Variants in MCF2L2 observed in about 807,000 individuals in gnomAD.
MCF2L2 encodes probable guanine nucleotide exchange factor MCF2L2.
Under a neutral mutation model 150.2 loss-of-function variants are expected in MCF2L2, and 102 were observed. The observed-to-expected ratio is 0.68, with a 90% CI of 0.58 to 0.80. The LOEUF is 0.80. MCF2L2 is among the 30% of genes least tolerant of loss of function. The pLI is 0.00. For missense variants in MCF2L2, 1,256 were observed against 1,372.8 expected, an observed-to-expected ratio of 0.91 and a Z score of 1.34; for synonymous variants, 465 against 491.3, an observed-to-expected ratio of 0.95 and a Z score of 0.71.
chr3:183,416,474 T>C (rs2108628062), intron 1 of MCF2L2, among the ~76,000 whole-genome samples: 1 of 152,270 alleles, frequency 6.6e-6, no homozygotes, highest in South Asian at 2.1e-4. Flanking sequence ...CAACAGTACA[T>C]TATATGCAGA....
chr3:183,371,183 A>G (rs1237312596), intron 3 of MCF2L2, among the ~76,000 whole-genome samples: 1 of 152,178 alleles, frequency 6.6e-6, no homozygotes, highest in Non-Finnish European at 1.5e-5. Context: ...GTGAACCCAA[A>G]AGTATCTGAG....
rs527475594 is a variant in MCF2L2, at chr3:183,369,575, C to G, written c.275+9722G>C. Among the ~76,000 whole-genome samples, 20 of 152,214 alleles carry G rather than the reference C, an allele frequency of 1.3e-4. No individual in the cohort carries two copies. In the East Asian group the frequency reaches 3.3e-3, roughly 25 times the overall value. ...ATATTCAGACTCTTCCTATAGCTTA[C>G]TGAAGTATATTTGGCCACCCTGCTC... is the stretch of plus-strand genomic sequence containing the variant. On this transcript the variant is annotated intron_variant, in intron 3 of 29. Transcript: ENST00000328913.
intron 5 of MCF2L2, among the ~76,000 whole-genome samples, chr3:183,324,088 A>C (rs965307873): frequency 1.4e-4 from 21 of 152,224 alleles, no homozygotes; most frequent in African/African-American, 4.3e-4. Flanking sequence ...AAATGTGAAA[A>C]TAAAACTAGA....
At chr3:183,355,310 C>A (rs1416863599) in intron 3 of MCF2L2, among the ~76,000 whole-genome samples, 2 of 152,078 alleles carry the variant, frequency 1.3e-5, no homozygotes, top group Non-Finnish European at 2.9e-5. Flanking sequence ...TCTAAGGATA[C>A]TGACCTTAGA....
chr3:183,323,141 G>A, intron 6 of MCF2L2, 94 bp downstream of exon 6: 4 of 841,688 alleles, frequency 4.8e-6, no homozygotes. Flanking sequence ...GGCAGTCACA[G>A]GGTGACCTCC....
In MCF2L2 at chr3:183,290,545, T is replaced by C. The variant is rs138779682; in HGVS notation, c.1676-1325A>G. Among the ~76,000 whole-genome samples the C allele has an allele frequency of 8.3e-3, 1,262 of 152,108 alleles. 17 individuals carry two copies. Among genetic ancestry groups the C allele is most frequent in the African/African-American group, 0.024 (993 of 41,472 alleles). On this transcript the variant is annotated intron_variant, in intron 13 of 29. Transcript: ENST00000328913. ...TGAGCATTTCTTTCTTTCTTTCTTT[T>C]TTTTTTTGAGACAGAGTCTCGCTCT...
rs912745076 is a variant in MCF2L2, at chr3:183,379,332, G to A, written c.240C>T (p.Phe80=). Residue 80 remains phenylalanine, a synonymous_variant, in exon 3 of 30, where the codon TTC becomes TTT. Transcript: ENST00000328913. ...TAGTCAGGTAGGTCATGACATTCAGGAAGTCTTCATCTGGGATGTGTTTGA... is the reference window on the plus strand; with the variant it reads ...TAGTCAGGTAGGTCATGACATTCAGAAAGTCTTCATCTGGGATGTGTTTGA... ...SGFKHIPDED[F]LNVMTYLTSI... is the part of the protein sequence containing the mutation. 1.3e-5 allele frequency: 21 copies of A among 1,611,074 alleles called. No individual in the cohort carries two copies. Among genetic ancestry groups the A allele is most frequent in the Non-Finnish European group, 1.8e-5 (21 of 1,178,820 alleles).
At chr3:183,196,672 GT>G (rs1341449708) in intron 25 of MCF2L2, among the ~76,000 whole-genome samples, 2 of 152,104 alleles carry the variant, frequency 1.3e-5, no homozygotes, top group African/African-American at 2.4e-5. Flanking sequence ...AGCCTACTTG[GT>G]GCACCAGGCT....
At position 183,179,204 on chromosome 3, in the gene MCF2L2, G is replaced by T; in HGVS notation, c.*176C>A. The T allele has an allele frequency of 1.2e-6, 1 of 853,152 alleles. No individual in the cohort carries two copies. The highest frequency in any genetic ancestry group is 1.6e-6 in the Non-Finnish European group (1 of 618,430). The allele number at this position is 853,152 out of a possible 1,614,324, so 52.8% of individuals were successfully genotyped here. ...TCCGAGGTCCCCCGTGCGGAGCTAGGCGCGCACCCAGGACACCCCTCGGGC... is the reference window on the plus strand; with the variant it reads ...TCCGAGGTCCCCCGTGCGGAGCTAGTCGCGCACCCAGGACACCCCTCGGGC... On this transcript the variant is annotated 3_prime_UTR_variant, in exon 30 of 30. Coordinates refer to ENST00000328913, the MANE Select transcript of MCF2L2 (RefSeq NM_015078.4). The surrounding 1 kb of genome is among the most constrained non-coding windows in gnomAD (Gnocchi z 4.2).
chr3:183,399,712 T>C (rs570167863), intron 1 of MCF2L2, among the ~76,000 whole-genome samples: 3 of 152,360 alleles, frequency 2.0e-5, no homozygotes, highest in East Asian at 3.9e-4. Flanking sequence ...TTTCATAATC[T>C]GGATTCTTAT....
intron 3 of MCF2L2, among the ~76,000 whole-genome samples, chr3:183,365,620 T>C (rs1712475279): frequency 6.6e-6 from 1 of 151,100 alleles, no homozygotes; most frequent in Non-Finnish European, 1.5e-5. Flanking sequence ...AACAATCTCA[T>C]CAGAGCTGAC....
At chr3:183,335,294 G>A (rs4859163) in intron 5 of MCF2L2, among the ~76,000 whole-genome samples, 39,299 of 151,496 alleles carry the variant, frequency 0.26, 7,318 homozygotes, top group African/African-American at 0.53. Flanking sequence ...CTCTTTATAT[G>A]TATATTTATT....
rs141817155 is a variant in MCF2L2 at position 183,256,557 on chromosome 3, C to T, written c.1862+20315G>A. ...CCATAGAAGGCTTTAACACTAGAAG[C>T]CAGTTCTCTACAAAAGAGAATGTTC... On this transcript the variant is annotated intron_variant, in intron 15 of 29. Transcript: ENST00000328913. 3.3e-3 allele frequency among the ~76,000 whole-genome samples: 498 copies of T among 152,276 alleles called. 3 individuals are homozygous for T. Among genetic ancestry groups the T allele is most frequent in the Non-Finnish European group, 5.2e-3 (357 of 68,018 alleles).
At chr3:183,303,326 C>T (rs1728947356) in intron 10 of MCF2L2, among the ~76,000 whole-genome samples, 1 of 152,178 alleles carries the variant, frequency 6.6e-6, no homozygotes. Context: ...CTACATGATG[C>T]GGTGACCTGC....
rs777449742 is a variant in MCF2L2, at chr3:183,270,613, C to T, written c.1862+6259G>A. 1.9e-6 allele frequency: 3 copies of T among 1,614,068 alleles called. No homozygotes were observed. Among genetic ancestry groups the T allele is most frequent in the Non-Finnish European group, 2.5e-6 (3 of 1,180,054 alleles). ...GTAGCTGCCAAAGTCTATGAGGCAT[C>T]ACAGACACTAAATTCAAGTCTTTAC... On this transcript the variant is annotated intron_variant, in intron 15 of 29. Coordinates refer to ENST00000328913, the MANE Select transcript of MCF2L2 (RefSeq NM_015078.4). This position sits in a 1 kb window ranked among gnomAD's most constrained non-coding sequence, Gnocchi z 4.5.
intron 13 of MCF2L2, among the ~76,000 whole-genome samples, chr3:183,291,023 A>T (rs1728111313): frequency 1.3e-5 from 2 of 149,184 alleles, no homozygotes; most frequent in African/African-American, 2.4e-5. Flanking sequence ...CATAGATGTT[A>T]TGTTGAAAAT....
At position 183,267,039 on chromosome 3, in the gene MCF2L2, G is replaced by C. The variant is rs1375634578; in HGVS notation, c.1862+9833C>G. 6.6e-6 allele frequency among the ~76,000 whole-genome samples: 1 copy of C among 152,130 alleles called. No individual in the cohort carries two copies. Among genetic ancestry groups the C allele is most frequent in the African/African-American group, 2.4e-5 (1 of 41,410 alleles). On this transcript the variant is annotated intron_variant, in intron 15 of 29. Transcript: ENST00000328913. The surrounding 1 kb of genome is among the most constrained non-coding windows in gnomAD (Gnocchi z 5.5). ...GACCTCAAGTGATCCTCCTGCCTCG[G>C]CCTCCCAAAGCGCTAGGATTACAGG...
At chr3:183,191,054 T>G (rs1006268978) in intron 27 of MCF2L2, among the ~76,000 whole-genome samples, 5 of 151,938 alleles carry the variant, frequency 3.3e-5, no homozygotes, top group Admixed American at 1.3e-4. Context: ...CCCGGCTAAT[T>G]TTTTGTATTT....
At chr3:183,422,870 A>C (rs1715950995) in intron 1 of MCF2L2, among the ~76,000 whole-genome samples, 1 of 152,210 alleles carries the variant, frequency 6.6e-6, no homozygotes, top group Non-Finnish European at 1.5e-5. Context: ...TCACTGAGGA[A>C]TGGATCCCTG....
Sources: allele counts gnomAD v4.1 joint callset (sites outside exome capture counted in the v4.1 genomes callset), GRCh38; gene constraint gnomAD v4.1.1; non-coding constraint Gnocchi (gnomAD v3.1); transcripts MANE v1.5; gene names NCBI Gene and HGNC (gene_info 2026-07-23, HGNC 2026-07-21).